The following PRDM11 variants were observed in gnomAD, a reference collection of about 807,000 sequenced individuals.
The protein encoded by PRDM11 is PR/SET domain 11.
A neutral mutation model predicts 97.8 loss-of-function variants in PRDM11; 20 were observed. The ratio of observed to expected loss-of-function variants is 0.20; its 90% CI spans 0.14 to 0.30. PRDM11 has a LOEUF of 0.30. PRDM11 is among the 10% of genes least tolerant of loss of function. The pLI, the probability that PRDM11 is intolerant of heterozygous loss-of-function variation, is 1.00. For missense variants in PRDM11, 1,139 were observed against 1,555.2 expected, an observed-to-expected ratio of 0.73 and a Z score of 4.50; for synonymous variants, 599 against 637.7, an observed-to-expected ratio of 0.94 and a Z score of 0.91.
chr11:45,195,559 ACTTT>A (rs1853092608), intron 4 of PRDM11, among the ~76,000 whole-genome samples: 1 of 146,712 alleles, frequency 6.8e-6, no homozygotes, highest in Non-Finnish European at 1.5e-5. Flanking sequence ...ATTCCCTTTT[ACTTT>A]CTTTCTTTTT....
At chr11:45,182,573 G>A (rs754086014) in intron 3 of PRDM11, among the ~76,000 whole-genome samples, 10 of 152,144 alleles carry the variant, frequency 6.6e-5, no homozygotes, top group Non-Finnish European at 1.3e-4. Context: ...AGTATCCCAC[G>A]CCTCGAGTCC....
intron 1 of PRDM11, among the ~76,000 whole-genome samples, chr11:45,132,975 A>ACCCCAT (rs1554965760): frequency 3.9e-5 from 6 of 152,076 alleles, no homozygotes; most frequent in Admixed American, 6.6e-5. Context: ...TGCCACACAT[A>ACCCCAT]CCCCATCCCC....
At chr11:45,132,637 C>T (rs1299555061) in intron 1 of PRDM11, among the ~76,000 whole-genome samples, 1 of 152,134 alleles carries the variant, frequency 6.6e-6, no homozygotes, top group Non-Finnish European at 1.5e-5. Context: ...CTTCTGTTTC[C>T]ATTCTGTTCC....
intron 1 of PRDM11, among the ~76,000 whole-genome samples, chr11:45,149,309 A>T (rs1414687898): frequency 2.0e-5 from 3 of 152,208 alleles, no homozygotes; most frequent in African/African-American, 7.2e-5. Flanking sequence ...GTAGTGACCT[A>T]AAAGCTACCG....
chr11:45,219,463 G>A lies in PRDM11; in HGVS notation c.555-107G>A. 9.0e-7 allele frequency: 1 copy of A among 1,115,326 alleles called. No homozygotes were observed. Among genetic ancestry groups the A allele is most frequent in the Non-Finnish European group, 1.3e-6 (1 of 783,792 alleles). 69.1% of individuals were successfully genotyped at this position (1,115,326 alleles called of 1,614,324 possible). A position where few individuals can be genotyped will look rare whatever the true frequency, so the allele number is the denominator to read the frequency against. ...TGCTGATGTTCACATGGGCCCACGT[G>A]CCTGTGGACTTCTAACCATCCACAC... On this transcript the variant is annotated intron_variant, in intron 5 of 7. Transcript: ENST00000683152. The surrounding 1 kb of genome is among the most constrained non-coding windows in gnomAD (Gnocchi z 4.2).
intron 1 of PRDM11, among the ~76,000 whole-genome samples, chr11:45,134,759 A>AT (rs11390676): frequency 0.43 from 62,086 of 144,410 alleles, 16,452 homozygotes; most frequent in Non-Finnish European, 0.58. Context: ...TTAGCCACAC[A>AT]TTTTTTTTAA....
chr11:45,101,305 C>T (rs1851970736), intron 1 of PRDM11, among the ~76,000 whole-genome samples: 1 of 152,148 alleles, frequency 6.6e-6, no homozygotes, highest in South Asian at 2.1e-4. Flanking sequence ...CGCCTGTAAT[C>T]CCAACACTTT....
intron 1 of PRDM11, among the ~76,000 whole-genome samples, chr11:45,125,867 G>A (rs917028569): frequency 1.4e-4 from 21 of 152,240 alleles, no homozygotes; most frequent in Middle Eastern, 3.4e-3. Context: ...CGCTTGGTGT[G>A]GAGCTGAGTT....
At chr11:45,183,623 A>C (rs1183969360) in intron 4 of PRDM11, among the ~76,000 whole-genome samples, 1 of 152,222 alleles carries the variant, frequency 6.6e-6, no homozygotes, top group East Asian at 1.9e-4. Flanking sequence ...AAGCAGGTAC[A>C]CATGTGATAT....
chr11:45,128,419 A>G (rs888627417), intron 1 of PRDM11, among the ~76,000 whole-genome samples: 1 of 152,102 alleles, frequency 6.6e-6, no homozygotes. Flanking sequence ...GAAATGCAGA[A>G]ATCACCCATC....
intron 5 of PRDM11, among the ~76,000 whole-genome samples, chr11:45,208,219 C>T (rs1325206631): frequency 6.6e-6 from 1 of 152,174 alleles, no homozygotes; most frequent in Non-Finnish European, 1.5e-5. Context: ...TGTTTGCCTG[C>T]ACATATGCAA....
chr11:45,095,696 G>C (rs1368490768), upstream of PRDM11: 2 of 658,820 alleles, frequency 3.0e-6, no homozygotes, highest in Non-Finnish European at 5.5e-6. Flanking sequence ...TTGGGGAAAG[G>C]CATTCTCTTT....
At chr11:45,125,173 A>C (rs985499995) in intron 1 of PRDM11, among the ~76,000 whole-genome samples, 1 of 151,806 alleles carries the variant, frequency 6.6e-6, no homozygotes, top group Non-Finnish European at 1.5e-5. Flanking sequence ...TTTCTGTGGG[A>C]TCGGTGGTGA....
chr11:45,214,154 G>A lies in PRDM11; in HGVS notation c.555-5416G>A, dbSNP rs560035065. ...CATGTCCCATTCCAGGTTCCAGCAT[G>A]CCTTGCCTCTGCTTGCTCGGGCTGC... is the stretch of plus-strand genomic sequence containing the variant. On this transcript the variant is annotated intron_variant, in intron 5 of 7. Transcript: ENST00000683152. The A allele has an allele frequency of 8.0e-5, 15 of 187,486 alleles. No individual in the cohort carries two copies. In the East Asian group the frequency reaches 1.9e-3, roughly 23 times the overall value. The allele number at this position is 187,486 out of a possible 1,614,324, so 11.6% of individuals were successfully genotyped here.
intron 1 of PRDM11, among the ~76,000 whole-genome samples, chr11:45,140,319 G>C (rs1852976027): frequency 2.0e-5 from 3 of 152,248 alleles, no homozygotes; most frequent in Admixed American, 2.0e-4. Context: ...GCTCTGAGCA[G>C]ATACAGGATC....
At chr11:45,209,219 G>A (rs753952525) in intron 5 of PRDM11, 37 of 428,904 alleles carry the variant, frequency 8.6e-5, no homozygotes, top group African/African-American at 6.1e-4. Context: ...CCATCAAGTC[G>A]GCGCTGCTCA....
chr11:45,109,106 G>A (rs116273840), intron 1 of PRDM11, among the ~76,000 whole-genome samples: 2,970 of 152,218 alleles, frequency 0.02, 88 homozygotes, highest in African/African-American at 0.062. Flanking sequence ...TGTTGTCCCC[G>A]CCCCTCAGGA....
At chr11:45,168,191 G>T (rs1012495793) in intron 1 of PRDM11, among the ~76,000 whole-genome samples, 7 of 152,328 alleles carry the variant, frequency 4.6e-5, no homozygotes, top group Non-Finnish European at 8.8e-5. Context: ...AGGAGAAGGG[G>T]ATGGGGGAGA....
Position 45,219,422 on chromosome 11 carries a change from G to A in PRDM11, c.555-148G>A. On this transcript the variant is annotated intron_variant, in intron 5 of 7. Transcript: ENST00000683152. This position sits in a 1 kb window ranked among gnomAD's most constrained non-coding sequence, Gnocchi z 4.2. The stretch of plus-strand genomic sequence containing the variant: ...GGTTCTGGCTGGTGCTGCTTCTCCG[G>A]ACAGGGCAGCTGCTCTGCTGATGTT... The A allele has an allele frequency of 1.3e-6, 1 of 743,620 alleles. No individual in the cohort carries two copies. Among genetic ancestry groups the A allele is most frequent in the Non-Finnish European group, 2.2e-6 (1 of 465,002 alleles). 46.1% of individuals were successfully genotyped at this position (743,620 alleles called of 1,614,324 possible).
Sources: gnomAD v4.1 joint callset for allele counts (sites outside exome capture counted in the v4.1 genomes callset) on GRCh38, gnomAD v4.1.1 for gene constraint, Gnocchi (gnomAD v3.1) non-coding constraint, MANE v1.5 for transcripts, NCBI Gene and HGNC (gene_info 2026-07-23, HGNC 2026-07-21) for gene names.